CSRNP3: variants seen among roughly 807,000 people sequenced by gnomAD.
The protein encoded by CSRNP3 is cysteine/serine-rich nuclear protein 3.
A neutral mutation model predicts 48.0 loss-of-function variants in CSRNP3; 12 were observed. The ratio of observed to expected loss-of-function variants is 0.25; its 90% CI spans 0.16 to 0.41. The LOEUF (loss-of-function observed/expected upper bound fraction) is 0.41. Ranked by LOEUF, CSRNP3 falls within the 10% of genes least tolerant of loss-of-function variation. The pLI, the probability that CSRNP3 is intolerant of heterozygous loss-of-function variation, is 1.00. For missense variants in CSRNP3, 580 were observed against 724.4 expected, an observed-to-expected ratio of 0.80 and a Z score of 2.29; for synonymous variants, 263 against 269.7, an observed-to-expected ratio of 0.98 and a Z score of 0.24.
chr2:165,560,901 C>T (rs1685226187), intron 3 of CSRNP3, among the ~76,000 whole-genome samples: 1 of 152,054 alleles, frequency 6.6e-6, no homozygotes, highest in African/African-American at 2.4e-5. Flanking sequence ...CACTAGTGTT[C>T]ATGATGTGAT....
chr2:165,676,284 T>C (rs953751859), intron 5 of CSRNP3, 28 bp from the exon 6 acceptor site: 1 of 1,596,938 alleles, frequency 6.3e-7, no homozygotes, highest in Admixed American at 1.7e-5. Context: ...CCTTAATGAG[T>C]CTCTTATTTG....
rs1487981851 is a variant in CSRNP3, at chr2:165,685,110, A to T, written c.*5357A>T. The stretch of plus-strand genomic sequence containing the variant: ...ATTTAAACACATTTTATATTAAAAT[A>T]AGTGATCAATGACTTTCATGATTGT... On this transcript the variant is annotated 3_prime_UTR_variant, in exon 7 of 7. Coordinates refer to ENST00000651982, the MANE Select transcript of CSRNP3 (RefSeq NM_001172173.2). 1 of 152,146 alleles carries T rather than the reference A, an allele frequency of 6.6e-6. No individual in the cohort carries two copies. The highest frequency in any genetic ancestry group is 1.5e-5 in the Non-Finnish European group (1 of 68,006). The allele number at this position is 152,146 out of a possible 1,614,324, so 9.4% of individuals were successfully genotyped here.
chr2:165,573,763 G>T (rs896006564), intron 3 of CSRNP3, among the ~76,000 whole-genome samples: 1 of 151,980 alleles, frequency 6.6e-6, no homozygotes, highest in Non-Finnish European at 1.5e-5. Context: ...ATAAATTTAC[G>T]CCTGTAAGAT....
chr2:165,664,657 T>C (rs1558966671), intron 5 of CSRNP3, among the ~76,000 whole-genome samples: 1 of 152,212 alleles, frequency 6.6e-6, no homozygotes, highest in Non-Finnish European at 1.5e-5. Context: ...TTCCTTCCTC[T>C]GGATACAGGG....
intron 3 of CSRNP3, among the ~76,000 whole-genome samples, chr2:165,584,707 T>G (rs915420795): frequency 6.6e-6 from 1 of 152,304 alleles, no homozygotes; most frequent in Admixed American, 6.5e-5. Flanking sequence ...GCACTGATTT[T>G]ATGAAACCTA....
intron 3 of CSRNP3, among the ~76,000 whole-genome samples, chr2:165,591,906 C>T (rs556880318): frequency 1.3e-5 from 2 of 152,296 alleles, no homozygotes; most frequent in African/African-American, 4.8e-5. Context: ...ACACAGAGTC[C>T]CCACTGGGGC....
In CSRNP3 at chr2:165,681,274, T is replaced by C. The variant is rs1033049384; in HGVS notation, c.*1521T>C. ...TTTCATATTTTTGACCTTCTATTGT[T>C]ATATCACTTCACATGTTTTATAACT... is the stretch of plus-strand genomic sequence containing the variant. On this transcript the variant is annotated 3_prime_UTR_variant, in exon 7 of 7. Coordinates refer to ENST00000651982, the MANE Select transcript of CSRNP3 (RefSeq NM_001172173.2). 6.6e-6 allele frequency: 1 copy of C among 152,136 alleles called. No individual in the cohort carries two copies. The highest frequency in any genetic ancestry group is 2.4e-5 in the African/African-American group (1 of 41,416). 9.4% of individuals were successfully genotyped at this position (152,136 alleles called of 1,614,324 possible).
chr2:165,637,375 G>A (rs1221852232), intron 4 of CSRNP3, among the ~76,000 whole-genome samples: 1 of 152,226 alleles, frequency 6.6e-6, no homozygotes, highest in Admixed American at 6.5e-5. Context: ...AGTATGCCCT[G>A]TGATGCAGAA....
intron 3 of CSRNP3, among the ~76,000 whole-genome samples, chr2:165,526,515 C>T (rs934813449): frequency 2.0e-5 from 3 of 152,056 alleles, no homozygotes; most frequent in African/African-American, 7.2e-5. Context: ...TTAAAAGACT[C>T]AACATAATTA....
chr2:165,599,349 CGAAAG>C (rs1356808282), intron 4 of CSRNP3, among the ~76,000 whole-genome samples: 1 of 129,568 alleles, frequency 7.7e-6, no homozygotes, highest in Non-Finnish European at 1.7e-5. Flanking sequence ...AAAAGAAAGA[CGAAAG>C]GAAGTAAAGA....
rs1056754234 is a variant in CSRNP3, at chr2:165,553,177, C to G, written c.-24+35216C>G. Reference sequence around the variant, plus strand: ...CAATCTCAAGCAGTCATTGTCTAGCCTCTACCTCCTATCTTTCTAGCTCTC... The same window carrying G: ...CAATCTCAAGCAGTCATTGTCTAGCGTCTACCTCCTATCTTTCTAGCTCTC... On this transcript the variant is annotated intron_variant, in intron 3 of 6. Coordinates refer to ENST00000651982, the MANE Select transcript of CSRNP3 (RefSeq NM_001172173.2). Among the ~76,000 whole-genome samples, 3 of 152,040 alleles carry G rather than the reference C, an allele frequency of 2.0e-5. No homozygotes were observed. The East Asian group carries it at 5.8e-4, about 29-fold the overall frequency.
intron 3 of CSRNP3, among the ~76,000 whole-genome samples, chr2:165,572,172 AG>A (rs1342088669): frequency 1.3e-5 from 2 of 152,136 alleles, no homozygotes; most frequent in Non-Finnish European, 2.9e-5. Flanking sequence ...AATCTTGTGA[AG>A]GGATTTCCAT....
chr2:165,617,444 G>A (rs918255724), intron 4 of CSRNP3, among the ~76,000 whole-genome samples: 7 of 152,148 alleles, frequency 4.6e-5, no homozygotes, highest in African/African-American at 1.7e-4. Context: ...TAATGTCTAC[G>A]TTCCTCAGTG....
At chr2:165,644,062 T>A (rs1686772527) in intron 4 of CSRNP3, among the ~76,000 whole-genome samples, 1 of 152,170 alleles carries the variant, frequency 6.6e-6, no homozygotes, top group Admixed American at 6.5e-5. Context: ...TCTTTCAAAA[T>A]CATTTATAAT....
At chr2:165,636,093 A>G (rs983830728) in intron 4 of CSRNP3, among the ~76,000 whole-genome samples, 3 of 152,164 alleles carry the variant, frequency 2.0e-5, no homozygotes, top group Non-Finnish European at 2.9e-5. Flanking sequence ...AACTTACGTA[A>G]ATGAATGCTA....
chr2:165,575,763 C>T (rs1461508418), intron 3 of CSRNP3, among the ~76,000 whole-genome samples: 2 of 151,952 alleles, frequency 1.3e-5, no homozygotes, highest in Non-Finnish European at 2.9e-5. Flanking sequence ...ATGAAATTCA[C>T]TTAGTGGTTA....
At chr2:165,515,560 T>A (rs961246226) in intron 2 of CSRNP3, among the ~76,000 whole-genome samples, 2 of 151,598 alleles carry the variant, frequency 1.3e-5, no homozygotes, top group African/African-American at 4.8e-5. Flanking sequence ...TTTTCTTGTT[T>A]GTAAAATAGG....
chr2:165,639,913 A>G (rs916665996), intron 4 of CSRNP3, among the ~76,000 whole-genome samples: 5 of 152,222 alleles, frequency 3.3e-5, no homozygotes, highest in South Asian at 4.1e-4. Flanking sequence ...TCTGTCAGAA[A>G]TATATCAGTT....
chr2:165,518,177 A>G (rs1245567028), intron 3 of CSRNP3, among the ~76,000 whole-genome samples: 1 of 151,980 alleles, frequency 6.6e-6, no homozygotes, highest in African/African-American at 2.4e-5. Flanking sequence ...ATAGAGAACT[A>G]CTGGTTCTTA....
Sources: gnomAD v4.1 joint callset for allele counts (sites outside exome capture counted in the v4.1 genomes callset) on GRCh38, gnomAD v4.1.1 for gene constraint, MANE v1.5 for transcripts, NCBI Gene and HGNC (gene_info 2026-07-23, HGNC 2026-07-21) for gene names.